SLC23A2: variants seen among roughly 807,000 people sequenced by gnomAD.
SLC23A2 encodes the protein Na(+)/L-ascorbic acid transporter 2.
In SLC23A2, 36 loss-of-function variants were observed where a neutral mutation model predicts 73.3. The observed-to-expected ratio is 0.49, with a 90% CI of 0.38 to 0.65. The LOEUF (loss-of-function observed/expected upper bound fraction) is 0.65. Ranked by LOEUF, SLC23A2 falls within the 30% of genes least tolerant of loss-of-function variation. SLC23A2 has a pLI of 0.00. For synonymous variants in SLC23A2, 343 were observed against 327.3 expected, an observed-to-expected ratio of 1.05 and a Z score of -0.52; for missense variants, 507 against 841.6, an observed-to-expected ratio of 0.60 and a Z score of 4.92.
chr20:4,892,734 T>C (rs1281331542), intron 6 of SLC23A2, among the ~76,000 whole-genome samples: 2 of 151,894 alleles, frequency 1.3e-5, no homozygotes, highest in Admixed American at 1.3e-4. Flanking sequence ...AATCAAACAA[T>C]ATGACAGGGA....
chr20:4,999,151 C>T (rs2088073851), intron 1 of SLC23A2, among the ~76,000 whole-genome samples: 1 of 152,140 alleles, frequency 6.6e-6, no homozygotes, highest in Non-Finnish European at 1.5e-5. Context: ...GAAAATTCCT[C>T]AAGCTACCAG....
intron 16 of SLC23A2, among the ~76,000 whole-genome samples, chr20:4,858,107 C>T (rs187108274): frequency 1.3e-5 from 2 of 152,336 alleles, no homozygotes; most frequent in East Asian, 3.9e-4. Context: ...CACATTCACC[C>T]CCCCATCTAG....
rs183612878 is a variant in SLC23A2, at chr20:4,955,867, C to T, written c.-155+14926G>A. Among the ~76,000 whole-genome samples the T allele has an allele frequency of 4.4e-4, 67 of 151,798 alleles. 1 individual carries two copies. Among genetic ancestry groups the T allele is most frequent in the African/African-American group, 1.5e-3 (63 of 41,360 alleles). On this transcript the variant is annotated intron_variant, in intron 2 of 16. Coordinates refer to ENST00000338244, the MANE Select transcript of SLC23A2 (RefSeq NM_005116.6). ...CTTTAAAAAAAAAAATGGCTATGCA[C>T]CAAGCAGCTTATGGTGGTAATCTCT...
chr20:4,953,978 T>G (rs1245036970), intron 2 of SLC23A2, among the ~76,000 whole-genome samples: 1 of 152,150 alleles, frequency 6.6e-6, no homozygotes, highest in African/African-American at 2.4e-5. Context: ...TTATTATTTT[T>G]TAAATGTCAG....
At chr20:4,963,036 T>G (rs2087417873) in intron 2 of SLC23A2, among the ~76,000 whole-genome samples, 1 of 151,984 alleles carries the variant, frequency 6.6e-6, no homozygotes, top group Non-Finnish European at 1.5e-5. Flanking sequence ...GAAAAAGGCT[T>G]CAAAACTAAC....
chr20:4,859,688 G>A (rs868389925), intron 15 of SLC23A2, among the ~76,000 whole-genome samples: 29 of 151,654 alleles, frequency 1.9e-4, no homozygotes, highest in Non-Finnish European at 3.8e-4. Flanking sequence ...GGGTGTAGTC[G>A]GTGGATAAAA....
At chr20:4,959,006 T>C in intron 2 of SLC23A2, among the ~76,000 whole-genome samples, 1 of 148,312 alleles carries the variant, frequency 6.7e-6, no homozygotes, top group East Asian at 2.0e-4. Context: ...AGGTCAGGAG[T>C]TCAAGATCAG....
At chr20:4,874,354 A>C (rs900509918) in intron 10 of SLC23A2, among the ~76,000 whole-genome samples, 1 of 152,220 alleles carries the variant, frequency 6.6e-6, no homozygotes, top group African/African-American at 2.4e-5. Context: ...CTCAGTCCCA[A>C]GGACAGTGTC....
chr20:4,916,705 T>G (rs1396167448), intron 3 of SLC23A2, among the ~76,000 whole-genome samples: 1 of 152,228 alleles, frequency 6.6e-6, no homozygotes, highest in Admixed American at 6.5e-5. Flanking sequence ...TTAGGATTTT[T>G]TGACTTTACA....
chr20:4,955,426 G>GT (rs533753861), intron 2 of SLC23A2, among the ~76,000 whole-genome samples: 188 of 150,840 alleles, frequency 1.2e-3, no homozygotes, highest in Non-Finnish European at 2.1e-3. Context: ...CAGAAAGATA[G>GT]TAAGTTATAA....
chr20:4,958,102 C>A (rs895441520), intron 2 of SLC23A2, among the ~76,000 whole-genome samples: 3 of 152,100 alleles, frequency 2.0e-5, no homozygotes, highest in African/African-American at 7.2e-5. Context: ...CTGTCTGCAC[C>A]CTTCCAGCTC....
At chr20:4,957,205 A>C (rs1600171850) in intron 2 of SLC23A2, among the ~76,000 whole-genome samples, 1 of 152,138 alleles carries the variant, frequency 6.6e-6, no homozygotes, top group African/African-American at 2.4e-5. Context: ...TTATAATCCC[A>C]GTGCTTTGGG....
At chr20:5,000,105 C>A (rs1212760088) in intron 1 of SLC23A2, among the ~76,000 whole-genome samples, 2 of 152,084 alleles carry the variant, frequency 1.3e-5, no homozygotes, top group Non-Finnish European at 2.9e-5. Context: ...AGTAGTAATA[C>A]GTTCATAAGT....
intron 16 of SLC23A2, among the ~76,000 whole-genome samples, chr20:4,858,678 G>A (rs1042679747): frequency 1.3e-5 from 2 of 152,076 alleles, no homozygotes; most frequent in East Asian, 1.9e-4. Context: ...AGCAGCCACC[G>A]CCAAGGCAGG....
chr20:4,907,306 C>T (rs539316866), intron 4 of SLC23A2, among the ~76,000 whole-genome samples: 1 of 152,216 alleles, frequency 6.6e-6, no homozygotes, highest in East Asian at 1.9e-4. Context: ...ACAGAGACAA[C>T]ACGGCTTTCC....
At chr20:5,003,953 T>C (rs1175790175), upstream of SLC23A2, among the ~76,000 whole-genome samples, 2 of 152,130 alleles carry the variant, frequency 1.3e-5, no homozygotes, top group African/African-American at 4.8e-5. Flanking sequence ...TCTTGCTAAC[T>C]ATCCATACAC....
rs970896585 is a variant in SLC23A2 at position 4,852,916 on chromosome 20, A to T, written c.*4056T>A. 1.3e-5 allele frequency: 2 copies of T among 152,676 alleles called. No individual in the cohort carries two copies. Among genetic ancestry groups the T allele is most frequent in the Admixed American group, 1.3e-4 (2 of 15,290 alleles). The allele number at this position is 152,676 out of a possible 1,614,324, so 9.5% of individuals were successfully genotyped here. A position where few individuals can be genotyped will look rare whatever the true frequency, so the allele number is the denominator to read the frequency against. ...GTGAGGCTGCTGAAAAGAGACCCCCAACGCTAATGTGCCTTATGGGTCCAT... is the reference window on the plus strand; with the variant it reads ...GTGAGGCTGCTGAAAAGAGACCCCCTACGCTAATGTGCCTTATGGGTCCAT... On this transcript the variant is annotated 3_prime_UTR_variant, in exon 17 of 17. Transcript: ENST00000338244. The surrounding 1 kb of genome is among the most constrained non-coding windows in gnomAD (Gnocchi z 4.3).
At chr20:4,869,470 A>ATCTCTCTC (rs369438984) in intron 12 of SLC23A2, 1 of 146,140 alleles carries the variant, frequency 6.8e-6, no homozygotes. Context: ...AGTGCTCTCT[A>ATCTCTCTC]TCTCTCTCTC....
intron 2 of SLC23A2, among the ~76,000 whole-genome samples, chr20:4,935,457 C>T (rs2122951334): frequency 6.6e-6 from 1 of 152,210 alleles, no homozygotes; most frequent in East Asian, 1.9e-4. Flanking sequence ...TGAAACTCTA[C>T]CGCAGGGATC....
Sources: gnomAD v4.1 joint callset for allele counts (sites outside exome capture counted in the v4.1 genomes callset) on GRCh38, gnomAD v4.1.1 for gene constraint, Gnocchi (gnomAD v3.1) non-coding constraint, MANE v1.5 for transcripts, NCBI Gene and HGNC (gene_info 2026-07-23, HGNC 2026-07-21) for gene names.